Variants in TBC1D22A observed in about 807,000 individuals in gnomAD.
TBC1D22A encodes the protein putative GTPase activator.
TBC1D22A carries 38 observed loss-of-function variants against 60.2 expected under a neutral mutation model. The ratio of observed to expected loss-of-function variants is 0.63; its 90% CI spans 0.49 to 0.83. TBC1D22A has a LOEUF of 0.83. TBC1D22A is among the 40% of genes least tolerant of loss of function. The pLI is 0.00. For synonymous variants in TBC1D22A, 302 were observed against 281.7 expected (o/e 1.07, Z -0.72); for missense variants, 628 against 701.0 (o/e 0.90, Z 1.18).
intron 12 of TBC1D22A, among the ~76,000 whole-genome samples, chr22:47,165,161 G>A (rs1440910334): frequency 6.6e-6 from 1 of 152,128 alleles, no homozygotes; most frequent in African/African-American, 2.4e-5. Flanking sequence ...CGTCCCCTGT[G>A]ATTGCCAGGG....
intron 1 of TBC1D22A, among the ~76,000 whole-genome samples, chr22:46,786,155 G>A (rs912029648): frequency 1.3e-5 from 2 of 152,186 alleles, no homozygotes; most frequent in African/African-American, 4.8e-5. Context: ...TGAGTTTTTT[G>A]TAGATATCCT....
At chr22:46,872,931 C>T (rs1422749998) in intron 4 of TBC1D22A, among the ~76,000 whole-genome samples, 2 of 152,148 alleles carry the variant, frequency 1.3e-5, no homozygotes, top group African/African-American at 4.8e-5. Context: ...ACAGCACCTG[C>T]AGGAACCTGG....
intron 8 of TBC1D22A, among the ~76,000 whole-genome samples, chr22:46,949,659 C>T (rs1284542924): frequency 1.3e-5 from 2 of 152,180 alleles, no homozygotes; most frequent in South Asian, 2.1e-4. Context: ...TATCTCTGCA[C>T]GCAGGGAACT....
At chr22:46,872,417 A>G (rs1029273088) in intron 4 of TBC1D22A, among the ~76,000 whole-genome samples, 1 of 152,234 alleles carries the variant, frequency 6.6e-6, no homozygotes, top group African/African-American at 2.4e-5. Context: ...TTCTTTAAAA[A>G]TATATTAGCA....
At position 46,912,802 on chromosome 22, in the gene TBC1D22A, G is replaced by A. The variant is rs538103433; in HGVS notation, c.1015+614G>A. ...GAACTCCTGACCTCGTGATCTGCCC[G>A]CCTTCGCCTCCCAAAGTGCTGGGAT... On this transcript the variant is annotated intron_variant, in intron 8 of 12. Transcript: ENST00000337137. Among the ~76,000 whole-genome samples, 146 of 152,226 alleles carry A rather than the reference G, an allele frequency of 9.6e-4. 1 individual carries two copies. The highest frequency in any genetic ancestry group is 2.1e-3 in the Admixed American group (32 of 15,300).
At chr22:46,791,176 G>C (rs925775183) in intron 1 of TBC1D22A, among the ~76,000 whole-genome samples, 1 of 152,094 alleles carries the variant, frequency 6.6e-6, no homozygotes, top group African/African-American at 2.4e-5. Context: ...ATGTCACCAC[G>C]CCCAGCCAAT....
intron 8 of TBC1D22A, among the ~76,000 whole-genome samples, chr22:46,938,550 C>A (rs987244347): frequency 1.3e-5 from 2 of 149,910 alleles, no homozygotes; most frequent in African/African-American, 4.9e-5. Context: ...TTTTCTCTTT[C>A]TTGATATTAT....
intron 4 of TBC1D22A, among the ~76,000 whole-genome samples, chr22:46,828,221 CATG>C (rs770520683): frequency 2.8e-4 from 42 of 152,308 alleles, no homozygotes; most frequent in South Asian, 1.2e-3. Context: ...ATTTGCTCAG[CATG>C]ATTTCTCACC....
At chr22:46,964,708 G>A (rs746859798) in intron 8 of TBC1D22A, among the ~76,000 whole-genome samples, 1 of 152,162 alleles carries the variant, frequency 6.6e-6, no homozygotes, top group Admixed American at 6.5e-5. Context: ...TGATTTGTGT[G>A]GTCCATTTTC....
chr22:46,897,881 T>C (rs983448755), intron 7 of TBC1D22A, among the ~76,000 whole-genome samples: 1 of 149,186 alleles, frequency 6.7e-6, no homozygotes, highest in African/African-American at 2.4e-5. Flanking sequence ...AACTTTGACA[T>C]TTCTTGTCTG....
At chr22:47,048,087 G>A (rs984721764) in intron 11 of TBC1D22A, among the ~76,000 whole-genome samples, 8 of 152,178 alleles carry the variant, frequency 5.3e-5, no homozygotes, top group Admixed American at 4.6e-4. Context: ...AGTCTGCCCC[G>A]GGCTGCCCCA....
intron 4 of TBC1D22A, among the ~76,000 whole-genome samples, chr22:46,854,647 G>A (rs1279834446): frequency 6.6e-6 from 1 of 152,062 alleles, no homozygotes; most frequent in African/African-American, 2.4e-5. Context: ...GTCTGCCCAG[G>A]CATTGAAGTA....
At chr22:46,873,780 A>G (rs964801678) in intron 4 of TBC1D22A, among the ~76,000 whole-genome samples, 7 of 150,664 alleles carry the variant, frequency 4.6e-5, no homozygotes, top group African/African-American at 1.5e-4. Context: ...TGCAAAGGAC[A>G]TAATCTTGTT....
chr22:46,768,799 G>A (rs1236739563), intron 1 of TBC1D22A, among the ~76,000 whole-genome samples: 1 of 152,034 alleles, frequency 6.6e-6, no homozygotes, highest in Non-Finnish European at 1.5e-5. Flanking sequence ...ACGTTTGAAA[G>A]TGGCATGGTG....
chr22:47,046,274 A>G (rs928344220), intron 11 of TBC1D22A, among the ~76,000 whole-genome samples: 2 of 151,998 alleles, frequency 1.3e-5, no homozygotes, highest in African/African-American at 4.8e-5. Flanking sequence ...TGGTCCCTGC[A>G]CCCCACTGTG....
chr22:47,070,904 C>T (rs1245705995), intron 11 of TBC1D22A, among the ~76,000 whole-genome samples: 1 of 152,038 alleles, frequency 6.6e-6, no homozygotes, highest in African/African-American at 2.4e-5. Context: ...CAGGCTGTTC[C>T]CTGTTGTTTG....
chr22:46,937,804 A>G (rs1330485439), intron 8 of TBC1D22A, among the ~76,000 whole-genome samples: 1 of 152,084 alleles, frequency 6.6e-6, no homozygotes, highest in Non-Finnish European at 1.5e-5. Context: ...GCCTAGGCTA[A>G]TGTGTGTGTT....
At chr22:46,973,354 G>A (rs575133165) in intron 8 of TBC1D22A, among the ~76,000 whole-genome samples, 2 of 152,318 alleles carry the variant, frequency 1.3e-5, no homozygotes, top group South Asian at 4.1e-4. Context: ...ACAGCAGAGT[G>A]GTGACAGCTG....
chr22:47,086,855 A>G (rs1403686762), intron 11 of TBC1D22A, among the ~76,000 whole-genome samples: 2 of 152,188 alleles, frequency 1.3e-5, no homozygotes, highest in African/African-American at 4.8e-5. Flanking sequence ...CCCAGGAGCC[A>G]TCCAAAAGAT....
Sources: allele counts gnomAD v4.1 joint callset (sites outside exome capture counted in the v4.1 genomes callset), GRCh38; gene constraint gnomAD v4.1.1; transcripts MANE v1.5; gene names NCBI Gene and HGNC (gene_info 2026-07-23, HGNC 2026-07-21).